The following HS2ST1 variants were observed in gnomAD, a reference collection of about 807,000 sequenced individuals.
The protein encoded by HS2ST1 is heparan sulfate 2-O-sulfotransferase 1.
A neutral mutation model predicts 42.9 loss-of-function variants in HS2ST1; 18 were observed. The ratio of observed to expected loss-of-function variants is 0.42; its 90% CI spans 0.29 to 0.62. The LOEUF (loss-of-function observed/expected upper bound fraction) is 0.62, where lower values mean the gene tolerates loss of function less well. Among genes scored for constraint, HS2ST1 ranks in the 20% least tolerant of loss-of-function variants. The probability of loss-of-function intolerance (pLI) is 0.21; values close to 1 mark genes in which losing one functional copy is unlikely to be tolerated. For missense variants in HS2ST1, 334 were observed against 433.8 expected (o/e 0.77, Z 2.04); for synonymous variants, 146 against 152.9 (o/e 0.95, Z 0.33).
intron 1 of HS2ST1, among the ~76,000 whole-genome samples, chr1:87,052,001 C>T (rs915912205): frequency 2.0e-5 from 3 of 152,076 alleles, no homozygotes; most frequent in African/African-American, 7.2e-5. Context: ...ACCTGTAATC[C>T]CAGCATCTTG....
At chr1:87,070,485 G>A (rs1651375292) in intron 1 of HS2ST1, among the ~76,000 whole-genome samples, 1 of 152,090 alleles carries the variant, frequency 6.6e-6, no homozygotes, top group South Asian at 2.1e-4. Context: ...CAGCTACTTG[G>A]GAGGCTGATG....
At chr1:87,052,117 A>G (rs1054527006) in intron 1 of HS2ST1, among the ~76,000 whole-genome samples, 18 of 152,090 alleles carry the variant, frequency 1.2e-4, no homozygotes, top group African/African-American at 4.1e-4. Flanking sequence ...GCCAGGCATG[A>G]TAGCGCACAC....
At chr1:86,986,039 CT>C (rs11377612) in intron 1 of HS2ST1, among the ~76,000 whole-genome samples, 2,349 of 133,770 alleles carry the variant, frequency 0.018, 63 homozygotes, top group African/African-American at 0.056. Flanking sequence ...AGCTTGGCCT[CT>C]TTTTTTTTTT....
intron 1 of HS2ST1, among the ~76,000 whole-genome samples, chr1:86,997,699 C>G (rs2185934): frequency 0.91 from 137,792 of 152,150 alleles, 62,649 homozygotes; most frequent in East Asian, 0.99. Context: ...GAAACCACAG[C>G]TAGTACTGAA....
At chr1:86,954,607 C>T (rs1256625775) in intron 1 of HS2ST1, among the ~76,000 whole-genome samples, 2 of 152,090 alleles carry the variant, frequency 1.3e-5, no homozygotes, top group Non-Finnish European at 2.9e-5. Flanking sequence ...AATGCCTTTC[C>T]TCTGGGAAAT....
chr1:86,954,968 C>T (rs896473300), intron 1 of HS2ST1, among the ~76,000 whole-genome samples: 5 of 152,102 alleles, frequency 3.3e-5, no homozygotes, highest in Non-Finnish European at 7.4e-5. Context: ...TGTGGTGGCT[C>T]ATCCCTGTAG....
At chr1:87,035,654 C>T (rs1333961196) in intron 1 of HS2ST1, among the ~76,000 whole-genome samples, 1 of 152,036 alleles carries the variant, frequency 6.6e-6, no homozygotes, top group Non-Finnish European at 1.5e-5. Context: ...TAATACATTC[C>T]ACAATAACCT....
chr1:86,984,541 A>G (rs1006913888), intron 1 of HS2ST1, among the ~76,000 whole-genome samples: 2 of 152,190 alleles, frequency 1.3e-5, no homozygotes, highest in Non-Finnish European at 2.9e-5. Flanking sequence ...GCTGAGCTTA[A>G]TCGTGTTTTC....
At chr1:86,921,226 T>C (rs1033759281) in intron 1 of HS2ST1, among the ~76,000 whole-genome samples, 3 of 152,214 alleles carry the variant, frequency 2.0e-5, no homozygotes, top group Non-Finnish European at 4.4e-5. Context: ...TTTTTCTGCC[T>C]CTTCATCAGT....
chr1:86,976,082 T>C (rs916404663), intron 1 of HS2ST1, among the ~76,000 whole-genome samples: 1 of 152,230 alleles, frequency 6.6e-6, no homozygotes, highest in African/African-American at 2.4e-5. Context: ...ACTGAATTGC[T>C]GCAATTTACG....
intron 1 of HS2ST1, among the ~76,000 whole-genome samples, chr1:86,929,049 TACTG>T (rs1233075935): frequency 1.3e-5 from 2 of 151,950 alleles, no homozygotes; most frequent in African/African-American, 4.8e-5. Context: ...ATGGAGTACT[TACTG>T]TGTGTTTATA....
chr1:87,050,119 T>A (rs1469916352), intron 1 of HS2ST1, among the ~76,000 whole-genome samples: 1 of 151,984 alleles, frequency 6.6e-6, no homozygotes, highest in African/African-American at 2.4e-5. Context: ...TGCTTTTAAG[T>A]TATTTAATGT....
chr1:86,993,153 C>G, intron 1 of HS2ST1: 1 of 1,593,508 alleles, frequency 6.3e-7, no homozygotes, highest in Non-Finnish European at 8.6e-7. Context: ...GTAGCATGTC[C>G]TAAACCCTCA....
intron 1 of HS2ST1, among the ~76,000 whole-genome samples, chr1:86,951,436 A>G (rs1278556616): frequency 6.6e-6 from 1 of 152,280 alleles, no homozygotes; most frequent in Non-Finnish European, 1.5e-5. Context: ...TTCTCAGTGC[A>G]TGTAAAAGTT....
In HS2ST1 at chr1:87,104,531, A is replaced by G; in HGVS notation, c.906A>G (p.Ala302=). 1 of 1,613,640 alleles carries G rather than the reference A, an allele frequency of 6.2e-7. No homozygotes were observed. Among genetic ancestry groups the G allele is most frequent in the Non-Finnish European group, 8.5e-7 (1 of 1,179,578 alleles). The change falls in exon 7 of 7, where the codon GCA becomes GCG. Residue 302 remains alanine, a synonymous_variant. Coordinates refer to ENST00000370550, the MANE Select transcript of HS2ST1 (RefSeq NM_012262.4). ...AACTCCCCACTAAACAAACCATTGCAAAACTACAGCAATCTGATATTTGGA... is the reference window on the plus strand; with the variant it reads ...AACTCCCCACTAAACAAACCATTGCGAAACTACAGCAATCTGATATTTGGA... ...EKKLPTKQTI[A]KLQQSDIWKM...
intron 1 of HS2ST1, among the ~76,000 whole-genome samples, chr1:87,013,304 TCA>T (rs1291705259): frequency 6.6e-6 from 1 of 152,230 alleles, no homozygotes; most frequent in Non-Finnish European, 1.5e-5. Flanking sequence ...TTCCCAAACC[TCA>T]GTTTCTGACT....
intron 1 of HS2ST1, among the ~76,000 whole-genome samples, chr1:86,933,117 T>C (rs1570429748): frequency 6.6e-6 from 1 of 152,184 alleles, no homozygotes; most frequent in East Asian, 1.9e-4. Flanking sequence ...TTTTTTCATA[T>C]GGATTCTTTA....
intron 1 of HS2ST1, among the ~76,000 whole-genome samples, chr1:87,053,724 A>G (rs140483824): frequency 5.3e-5 from 8 of 152,288 alleles, no homozygotes; most frequent in African/African-American, 1.7e-4. Context: ...TTGAGTATCT[A>G]CAAGTGGACA....
intron 1 of HS2ST1, among the ~76,000 whole-genome samples, chr1:87,046,940 G>A (rs113284731): frequency 8.5e-5 from 12 of 141,714 alleles, no homozygotes; most frequent in African/African-American, 2.6e-4. Context: ...ACTCCTGACC[G>A]CAGGTGATCC....
Sources: gnomAD v4.1 joint callset for allele counts (sites outside exome capture counted in the v4.1 genomes callset) on GRCh38, gnomAD v4.1.1 for gene constraint, MANE v1.5 for transcripts, NCBI Gene and HGNC (gene_info 2026-07-23, HGNC 2026-07-21) for gene names.